The following CUBN variants were observed in gnomAD, a reference collection of about 807,000 sequenced individuals.
The protein encoded by CUBN is 460 kDa receptor.
Under a neutral mutation model 405.3 loss-of-function variants are expected in CUBN, and 282 were observed. The ratio of observed to expected loss-of-function variants is 0.70; its 90% CI spans 0.63 to 0.77. CUBN has a LOEUF of 0.77. CUBN is among the 30% of genes least tolerant of loss of function. The pLI, the probability that CUBN is intolerant of heterozygous loss-of-function variation, is 0.00. For synonymous variants in CUBN, 1,684 were observed against 1,617.0 expected (o/e 1.04, Z -0.99); for missense variants, 4,514 against 4,475.2 (o/e 1.01, Z -0.25).
At chr10:17,091,850 A>G (rs1320093668) in intron 14 of CUBN, among the ~76,000 whole-genome samples, 1 of 152,238 alleles carries the variant, frequency 6.6e-6, no homozygotes, top group African/African-American at 2.4e-5. Context: ...AAAATCCAAG[A>G]TGTGGGATGA....
intron 26 of CUBN, among the ~76,000 whole-genome samples, chr10:17,043,551 T>C (rs115550588): frequency 9.2e-5 from 14 of 152,342 alleles, no homozygotes; most frequent in African/African-American, 3.4e-4. Flanking sequence ...TAAGTTTCTA[T>C]AGTTTGCCAG....
rs1299000504 is a variant in CUBN at position 16,990,325 on chromosome 10, A to G, written c.4350+9T>C. On this transcript the variant is annotated intron_variant, in intron 29 of 66. Coordinates refer to ENST00000377833, the MANE Select transcript of CUBN (RefSeq NM_001081.4). Reference sequence around the variant, plus strand: ...TGGAATGTGCTGAAAAAACCATCTCACTTCCTACCTCCAAGACATCAAAGT... The same window carrying G: ...TGGAATGTGCTGAAAAAACCATCTCGCTTCCTACCTCCAAGACATCAAAGT... 1 of 1,613,980 alleles carries G rather than the reference A, an allele frequency of 6.2e-7. No individual in the cohort carries two copies. Among genetic ancestry groups the G allele is most frequent in the Non-Finnish European group, 8.5e-7 (1 of 1,179,870 alleles).
intron 59 of CUBN, among the ~76,000 whole-genome samples, chr10:16,868,380 A>G (rs1450413507): frequency 2.0e-5 from 3 of 152,234 alleles, no homozygotes; most frequent in African/African-American, 7.2e-5. Context: ...TATCCACACT[A>G]TGGAAGAAAC....
chr10:17,032,935 C>A (rs371949394), intron 27 of CUBN, among the ~76,000 whole-genome samples: 15 of 152,154 alleles, frequency 9.9e-5, no homozygotes, highest in East Asian at 7.7e-4. Flanking sequence ...AATTGTACCT[C>A]CTAAGTGCTC....
intron 28 of CUBN, among the ~76,000 whole-genome samples, chr10:16,992,113 C>T (rs1205449304): frequency 6.6e-6 from 1 of 152,110 alleles, no homozygotes; most frequent in African/African-American, 2.4e-5. Context: ...AAGCTGGAAA[C>T]CATCATTCTG....
intron 39 of CUBN, 72 bp downstream of exon 39, chr10:16,937,520 T>C (rs1842544430): frequency 3.8e-6 from 5 of 1,322,352 alleles, no homozygotes; most frequent in East Asian, 4.8e-5. Context: ...ACCCCTGTTA[T>C]GATAGGATCC....
At chr10:17,129,079 A>G (rs774169364) in intron 2 of CUBN, 42 bp downstream of exon 2, 5 of 1,529,800 alleles carry the variant, frequency 3.3e-6, no homozygotes, top group East Asian at 2.3e-5. Context: ...GTCACCGTAT[A>G]TGGATATACA....
At chr10:16,952,176 T>C in intron 33 of CUBN, 100 bp downstream of exon 33, 1 of 826,272 alleles carries the variant, frequency 1.2e-6, no homozygotes, top group Non-Finnish European at 2.1e-6. Flanking sequence ...AGGAAGGCCA[T>C]CGATTGTTAG....
intron 14 of CUBN, among the ~76,000 whole-genome samples, chr10:17,098,296 T>C (rs935932803): frequency 2.6e-5 from 4 of 152,210 alleles, no homozygotes; most frequent in African/African-American, 9.6e-5. Context: ...GTAGCAACTG[T>C]CATGTTAGGT....
At chr10:17,051,020 T>C (rs1047622530) in intron 22 of CUBN, among the ~76,000 whole-genome samples, 8 of 151,666 alleles carry the variant, frequency 5.3e-5, no homozygotes, top group African/African-American at 1.9e-4. Flanking sequence ...TCCCAATCTA[T>C]CATGTCCACT....
chr10:16,999,936 A>C (rs1833834007), intron 28 of CUBN, among the ~76,000 whole-genome samples: 1 of 152,144 alleles, frequency 6.6e-6, no homozygotes, highest in African/African-American at 2.4e-5. Flanking sequence ...AAATGGACAC[A>C]GGTGGGCAGC....
chr10:16,839,522 T>C (rs937919633), intron 62 of CUBN, among the ~76,000 whole-genome samples: 2 of 135,054 alleles, frequency 1.5e-5, no homozygotes, highest in South Asian at 5.1e-4. Context: ...TGAGATACCA[T>C]CTCACACCAG....
rs1000620345 is a variant in CUBN, at chr10:17,068,197, T to A, written c.2875A>T (p.Thr959Ser). The change falls in exon 21 of 67, where the codon ACT (threonine) becomes TCT (serine). Residue 959 changes from threonine to serine, a missense_variant. Coordinates refer to ENST00000377833, the MANE Select transcript of CUBN (RefSeq NM_001081.4). ...PNVYPHGINC[T>S]WHILVQPNHL... is the part of the protein sequence containing the mutation. The stretch of plus-strand genomic sequence containing the variant: ...TTAGGTTGGACTAATATATGCCAAG[T>A]ACAGTTGATACCGTGGGGGTAGACA... 2 of 1,613,794 alleles carry A rather than the reference T, an allele frequency of 1.2e-6. No individual in the cohort carries two copies. Among genetic ancestry groups the A allele is most frequent in the Non-Finnish European group, 1.7e-6 (2 of 1,179,712 alleles).
Position 17,071,510 on chromosome 10 carries a change from G to T in CUBN, c.2541C>A (p.His847Gln). Residue 847 changes from histidine to glutamine, a missense_variant, in exon 19 of 67, where the codon CAC (histidine) becomes CAA (glutamine). Physicochemically the swap from His to Gln is conservative, Grantham distance 24. Transcript: ENST00000377833. ...GGAGAATGACTTGGCTTTGGGGCTG[G>T]TGGATGGTCCACCTACAGGTTCTTT... is the stretch of plus-strand genomic sequence containing the variant. ...PGERTCRWTI[H>Q]QPQSQVILLN... 5 of 1,614,012 alleles carry T rather than the reference G, an allele frequency of 3.1e-6. No individual in the cohort carries two copies. The highest frequency in any genetic ancestry group is 4.2e-6 in the Non-Finnish European group (5 of 1,179,948).
In CUBN at chr10:16,989,948, C is replaced by G. The variant is rs551088347; in HGVS notation, c.4350+386G>C. On this transcript the variant is annotated intron_variant, in intron 29 of 66. Coordinates refer to ENST00000377833, the MANE Select transcript of CUBN (RefSeq NM_001081.4). ...GGTGTTAGCCATCCCAAGTGCAGTC[C>G]TTACCAATGGGAACCAGAGTTGGCG... 3.9e-5 allele frequency among the ~76,000 whole-genome samples: 6 copies of G among 152,328 alleles called. No individual in the cohort carries two copies. The East Asian group carries it at 1.2e-3, about 29-fold the overall frequency.
At chr10:16,872,375 TAAAGA>T (rs1331745207) in intron 58 of CUBN, among the ~76,000 whole-genome samples, 1 of 148,504 alleles carries the variant, frequency 6.7e-6, no homozygotes, top group East Asian at 2.0e-4. Context: ...GATAGACAGA[TAAAGA>T]GAGAGAGAAT....
Position 16,984,174 on chromosome 10 carries a change from T to G in CUBN, c.4456A>C (p.Ile1486Leu). 1.9e-6 allele frequency: 3 copies of G among 1,614,184 alleles called. No homozygotes were observed. The highest frequency in any genetic ancestry group is 2.5e-6 in the Non-Finnish European group (3 of 1,180,040). ...QVSSTGNELAIRFKTDLSING... is the reference protein window; with the variant it reads ...QVSSTGNELALRFKTDLSING... Reference sequence around the variant, plus strand: ...ATGGACAAGTCGGTCTTGAATCGAATTGCTAGCTCATTTCCAGTGCTGGAG... The same window carrying G: ...ATGGACAAGTCGGTCTTGAATCGAAGTGCTAGCTCATTTCCAGTGCTGGAG... Residue 1486 changes from isoleucine (I) to leucine (L), a missense_variant, in exon 30 of 67, where the codon ATT becomes CTT. Ile to Leu is a conservative substitution (Grantham distance 5). Around this residue, in one of 5 missense-constraint regions of CUBN, gnomAD observed 1,613 missense variants for 1,542.8 expected, o/e 1.05. Coordinates refer to ENST00000377833, the MANE Select transcript of CUBN (RefSeq NM_001081.4).
chr10:17,106,877 T>G (rs983500913), intron 10 of CUBN, among the ~76,000 whole-genome samples: 1 of 152,188 alleles, frequency 6.6e-6, no homozygotes, highest in African/African-American at 2.4e-5. Flanking sequence ...CAGAATGAAC[T>G]TAAGTCTCTA....
At chr10:16,887,948 A>G (rs1840870368) in intron 56 of CUBN, among the ~76,000 whole-genome samples, 1 of 152,238 alleles carries the variant, frequency 6.6e-6, no homozygotes, top group Admixed American at 6.5e-5. Context: ...CCTGGAGGAC[A>G]TTATGCTAAG....
Sources: gnomAD v4.1 joint callset for allele counts (sites outside exome capture counted in the v4.1 genomes callset) on GRCh38, gnomAD v4.1.1 for gene constraint, gnomAD v4.1.1 regional missense constraint, MANE v1.5 for transcripts, NCBI Gene and HGNC (gene_info 2026-07-23, HGNC 2026-07-21) for gene names.